NELL1: variants seen among roughly 807,000 people sequenced by gnomAD.
NELL1 encodes the protein protein kinase C-binding protein NELL1.
In NELL1, 76 loss-of-function variants were observed where a neutral mutation model predicts 107.4. The ratio of observed to expected loss-of-function variants is 0.71; its 90% CI spans 0.59 to 0.86. The LOEUF (loss-of-function observed/expected upper bound fraction) is 0.86. Ranked by LOEUF, NELL1 falls within the 40% of genes least tolerant of loss-of-function variation. The probability of loss-of-function intolerance (pLI) is 0.00; values close to 1 mark genes in which losing one functional copy is unlikely to be tolerated. For synonymous variants in NELL1, 353 were observed against 341.2 expected, an observed-to-expected ratio of 1.03 and a Z score of -0.38; for missense variants, 1,024 against 1,005.5, an observed-to-expected ratio of 1.02 and a Z score of -0.25.
At chr11:21,441,080 A>G (rs986181852) in intron 15 of NELL1, among the ~76,000 whole-genome samples, 3 of 151,870 alleles carry the variant, frequency 2.0e-5, no homozygotes, top group African/African-American at 7.3e-5. Context: ...TTATTATTAA[A>G]CCTCTTTAAT....
chr11:20,870,108 T>G (rs572701862), intron 4 of NELL1, among the ~76,000 whole-genome samples: 4 of 152,314 alleles, frequency 2.6e-5, no homozygotes, highest in African/African-American at 7.2e-5. Flanking sequence ...GTTCATGGCC[T>G]CATTGAGCCT....
chr11:20,677,147 C>T (rs920683314), intron 1 of NELL1, among the ~76,000 whole-genome samples: 6 of 152,158 alleles, frequency 3.9e-5, no homozygotes, highest in Admixed American at 1.3e-4. Context: ...TCCAGGAATC[C>T]CCTTGGATGG....
chr11:20,798,557 A>T (rs1383336870), intron 3 of NELL1, among the ~76,000 whole-genome samples: 1 of 152,222 alleles, frequency 6.6e-6, no homozygotes, highest in African/African-American at 2.4e-5. Flanking sequence ...AAACACTTGC[A>T]TTTCTGGGTA....
At chr11:21,399,565 T>C (rs149290706) in intron 15 of NELL1, among the ~76,000 whole-genome samples, 2,124 of 151,992 alleles carry the variant, frequency 0.014, 31 homozygotes, top group South Asian at 0.049. Context: ...TATTGAACAT[T>C]ATATACCAGA....
intron 2 of NELL1, among the ~76,000 whole-genome samples, chr11:20,685,282 G>T (rs1028283663): frequency 6.6e-6 from 1 of 151,936 alleles, no homozygotes; most frequent in Non-Finnish European, 1.5e-5. Flanking sequence ...CTTGAAAACT[G>T]TAGTTTCATC....
chr11:20,903,658 A>G (rs1849928234), intron 5 of NELL1, among the ~76,000 whole-genome samples: 1 of 152,080 alleles, frequency 6.6e-6, no homozygotes, highest in South Asian at 2.1e-4. Flanking sequence ...GACTTTTTAG[A>G]TTAGTTGTTC....
intron 5 of NELL1, among the ~76,000 whole-genome samples, chr11:20,900,441 G>A (rs1266340701): frequency 6.6e-6 from 1 of 152,152 alleles, no homozygotes; most frequent in African/African-American, 2.4e-5. Flanking sequence ...TGGACACAGT[G>A]AGGAGCAAAG....
rs917510701 is a variant in NELL1 at position 20,812,876 on chromosome 11, C to T, written c.335+29046C>T. On this transcript the variant is annotated intron_variant, in intron 3 of 19. Transcript: ENST00000357134. The stretch of plus-strand genomic sequence containing the variant: ...ACAAAAAATTAGCCGGGCGAGGTGG[C>T]GGGCGCCTGTAGTCCCAGCTACTCG... 8.0e-5 allele frequency among the ~76,000 whole-genome samples: 12 copies of T among 150,686 alleles called. No homozygotes were observed. In the South Asian group the frequency reaches 1.5e-3, roughly 19 times the overall value.
At position 20,702,157 on chromosome 11, in the gene NELL1, C is replaced by G. The variant is rs546479400; in HGVS notation, c.184+24097C>G. The stretch of plus-strand genomic sequence containing the variant: ...TATCCATGAGCATGGAATGTTCTTC[C>G]ATTTGTTTGTGTCCTCTTTTGTTTC... On this transcript the variant is annotated intron_variant, in intron 2 of 19. Transcript: ENST00000357134. Among the ~76,000 whole-genome samples, 47 of 152,266 alleles carry G rather than the reference C, an allele frequency of 3.1e-4. 2 individuals are homozygous for G. The South Asian group carries it at 9.6e-3, about 31-fold the overall frequency.
intron 5 of NELL1, among the ~76,000 whole-genome samples, chr11:20,909,140 CAG>C (rs1197264280): frequency 1.3e-5 from 2 of 152,038 alleles, no homozygotes; most frequent in Non-Finnish European, 2.9e-5. Flanking sequence ...TTTATTGAGA[CAG>C]AAAGTAAATT....
At chr11:20,706,313 A>G (rs1854952471) in intron 2 of NELL1, among the ~76,000 whole-genome samples, 1 of 152,180 alleles carries the variant, frequency 6.6e-6, no homozygotes, top group Admixed American at 6.5e-5. Context: ...TGTGGCATAT[A>G]TACACCATGG....
At chr11:21,436,038 T>C (rs1853109882) in intron 15 of NELL1, among the ~76,000 whole-genome samples, 2 of 152,168 alleles carry the variant, frequency 1.3e-5, no homozygotes, top group African/African-American at 2.4e-5. Context: ...TAAGTTCAGA[T>C]TTTTTCTTTC....
intron 17 of NELL1, among the ~76,000 whole-genome samples, chr11:21,569,898 A>G (rs1389776638): frequency 1.3e-5 from 2 of 151,914 alleles, no homozygotes; most frequent in East Asian, 3.9e-4. Flanking sequence ...TTGGTTTTTT[A>G]AAATATTCAG....
chr11:21,490,035 C>A (rs951783825), intron 15 of NELL1, among the ~76,000 whole-genome samples: 4 of 151,922 alleles, frequency 2.6e-5, no homozygotes, highest in African/African-American at 7.3e-5. Flanking sequence ...GATCTAACAT[C>A]TAGAAAAACC....
At chr11:21,270,417 G>T (rs1319877116) in intron 14 of NELL1, among the ~76,000 whole-genome samples, 6 of 152,026 alleles carry the variant, frequency 3.9e-5, no homozygotes, top group Admixed American at 3.9e-4. Flanking sequence ...TTCAAAGCAA[G>T]AAAAATTATC....
intron 14 of NELL1, among the ~76,000 whole-genome samples, chr11:21,277,918 G>C (rs1848905418): frequency 6.6e-6 from 1 of 152,112 alleles, no homozygotes; most frequent in Non-Finnish European, 1.5e-5. Context: ...GGAAGGGGGA[G>C]GGATAGCATT....
chr11:20,978,638 C>A (rs1851689091), intron 12 of NELL1, among the ~76,000 whole-genome samples: 1 of 152,172 alleles, frequency 6.6e-6, no homozygotes, highest in South Asian at 2.1e-4. Context: ...GGCATGCTTC[C>A]ACAATCCCCT....
At chr11:20,905,243 G>A (rs1389593369) in intron 5 of NELL1, among the ~76,000 whole-genome samples, 3 of 151,912 alleles carry the variant, frequency 2.0e-5, no homozygotes, top group Non-Finnish European at 2.9e-5. Flanking sequence ...CTAAAGAAAT[G>A]GACTACTGTA....
chr11:20,750,590 T>G (rs1457551281), intron 2 of NELL1, among the ~76,000 whole-genome samples: 1 of 149,446 alleles, frequency 6.7e-6, no homozygotes, highest in East Asian at 1.9e-4. Context: ...TATTATTATT[T>G]TATCATTTTG....
Sources: gnomAD v4.1 joint callset for allele counts (sites outside exome capture counted in the v4.1 genomes callset) on GRCh38, gnomAD v4.1.1 for gene constraint, MANE v1.5 for transcripts, NCBI Gene and HGNC (gene_info 2026-07-23, HGNC 2026-07-21) for gene names.